ATP2B1: variants seen among roughly 807,000 people sequenced by gnomAD.
ATP2B1 encodes plasma membrane calcium-transporting ATPase 1.
In ATP2B1, 14 loss-of-function variants were observed where a neutral mutation model predicts 124.2. That is an observed-to-expected ratio of 0.11 (90% CI 0.07 to 0.18). The LOEUF is 0.18. Ranked by LOEUF, ATP2B1 falls within the 10% of genes least tolerant of loss-of-function variation. The pLI, the probability that ATP2B1 is intolerant of heterozygous loss-of-function variation, is 1.00. For missense variants in ATP2B1, 763 were observed against 1,466.1 expected, an observed-to-expected ratio of 0.52 and a Z score of 7.83; for synonymous variants, 449 against 492.4, an observed-to-expected ratio of 0.91 and a Z score of 1.17.
In ATP2B1 at chr12:89,663,939, A is replaced by G. The variant is rs542478679; in HGVS notation, c.-221-7832T>C. ...TCAGTAGGGAGGGGCTGGATGGCAC[A>G]GCAGCCTTTATAATTGCTTTCATCT... is the stretch of plus-strand genomic sequence containing the variant. On this transcript the variant is annotated intron_variant, in intron 1 of 20. Coordinates refer to ENST00000428670, the MANE Select transcript of ATP2B1 (RefSeq NM_001366521.1). Among the ~76,000 whole-genome samples the G allele has an allele frequency of 1.3e-3, 199 of 152,336 alleles. 1 individual carries two copies. The highest frequency in any genetic ancestry group is 4.6e-3 in the African/African-American group (190 of 41,568).
chr12:89,639,619 T>C (rs1425593487), intron 3 of ATP2B1, among the ~76,000 whole-genome samples: 1 of 151,076 alleles, frequency 6.6e-6, no homozygotes, highest in Non-Finnish European at 1.5e-5. Context: ...CTAAATAACT[T>C]TTCACCATGG....
At chr12:89,612,743 T>A (rs930976247) in intron 12 of ATP2B1, among the ~76,000 whole-genome samples, 1 of 152,212 alleles carries the variant, frequency 6.6e-6, no homozygotes, top group Non-Finnish European at 1.5e-5. Context: ...ATCTTATACA[T>A]ACCTCTATTA....
rs138830347 is a variant in ATP2B1 at position 89,637,814 on chromosome 12, ATAGAG to A, written c.407-2568_407-2564del. ...GAGGTATGTGCTCATTTTTTTCCTG[ATAGAG>A]TAAATAACCAAAAAAGTTTAAAGAC... On this transcript the variant is annotated intron_variant, in intron 3 of 20. Coordinates refer to ENST00000428670, the MANE Select transcript of ATP2B1 (RefSeq NM_001366521.1). 3.2e-3 allele frequency among the ~76,000 whole-genome samples: 488 copies of A among 152,220 alleles called. 1 individual carries two copies. Among genetic ancestry groups the A allele is most frequent in the Non-Finnish European group, 4.7e-3 (319 of 68,004 alleles).
At position 89,610,511 on chromosome 12, in the gene ATP2B1, A is replaced by G. The variant is rs199767814; in HGVS notation, c.2248-3T>C. The G allele has an allele frequency of 5.3e-4, 850 of 1,611,684 alleles. 5 individuals are homozygous for G. In the South Asian group the frequency reaches 7.8e-3, roughly 15 times the overall value. Reference sequence around the variant, plus strand: ...TTGTCTATCCTCTCTTGCTCAATCTATAAGTGTTTATCAAAGTTAAAATAT... The same window carrying G: ...TTGTCTATCCTCTCTTGCTCAATCTGTAAGTGTTTATCAAAGTTAAAATAT... On this transcript the variant is annotated splice_region_variant and splice_polypyrimidine_tract_variant and intron_variant, in intron 13 of 20. Transcript: ENST00000428670.
intron 1 of ATP2B1, among the ~76,000 whole-genome samples, chr12:89,675,941 A>G (rs1888551729): frequency 6.6e-6 from 1 of 152,218 alleles, no homozygotes; most frequent in Non-Finnish European, 1.5e-5. Context: ...AGAATATTTA[A>G]CAAATCAATT....
At chr12:89,600,233 C>G (rs1184821270) in intron 19 of ATP2B1, among the ~76,000 whole-genome samples, 1 of 152,138 alleles carries the variant, frequency 6.6e-6, no homozygotes, top group African/African-American at 2.4e-5. Flanking sequence ...AAAGATTGGG[C>G]TACATTTAAG....
chr12:89,695,067 A>AG (rs1890984315), intron 1 of ATP2B1, among the ~76,000 whole-genome samples: 1 of 146,080 alleles, frequency 6.8e-6, no homozygotes, highest in South Asian at 2.1e-4. Context: ...TCAAAAAAAA[A>AG]AAAAGAAAAG....
chr12:89,652,391 T>C (rs1885371620), intron 2 of ATP2B1, among the ~76,000 whole-genome samples: 2 of 152,204 alleles, frequency 1.3e-5, no homozygotes, highest in South Asian at 4.1e-4. Flanking sequence ...CAATATCCCA[T>C]GTCTGAAGAA....
intron 12 of ATP2B1, among the ~76,000 whole-genome samples, chr12:89,614,146 T>C (rs1878533830): frequency 6.6e-6 from 1 of 152,104 alleles, no homozygotes; most frequent in Non-Finnish European, 1.5e-5. Context: ...CATGTTAAAG[T>C]TTAAACCGTA....
In ATP2B1 at chr12:89,610,088, A is replaced by C. The variant is rs760676958; in HGVS notation, c.2336-45T>G. The C allele has an allele frequency of 1.5e-5, 23 of 1,504,954 alleles. No homozygotes were observed. The African/African-American group carries it at 2.1e-4, about 14-fold the overall frequency. The allele number at this position is 1,504,954 out of a possible 1,614,324, so 93.2% of individuals were successfully genotyped here. A position where few individuals can be genotyped will look rare whatever the true frequency, so the allele number is the denominator to read the frequency against. On this transcript the variant is annotated intron_variant, in intron 14 of 20. Transcript: ENST00000428670. ...TTGTGTTATAAAAACATTACTCTTT[A>C]ATAAGATGATTCTGAAGAATATCCT...
chr12:89,652,759 A>T (rs1426067030), intron 2 of ATP2B1, among the ~76,000 whole-genome samples: 9 of 152,070 alleles, frequency 5.9e-5, no homozygotes, highest in African/African-American at 2.2e-4. Context: ...TATTTTTGAG[A>T]CAGGGTCTCC....
intron 1 of ATP2B1, among the ~76,000 whole-genome samples, chr12:89,689,869 T>C (rs1890361565): frequency 6.6e-6 from 1 of 152,148 alleles, no homozygotes; most frequent in South Asian, 2.1e-4. Flanking sequence ...GTTTTCTAAA[T>C]ATTAAATGTC....
chr12:89,601,465 A>G, intron 18 of ATP2B1, 32 bp from the exon 19 acceptor site: 1 of 1,392,246 alleles, frequency 7.2e-7, no homozygotes, highest in Non-Finnish European at 9.8e-7. Context: ...AATTTACTTA[A>G]ATCTTAAATT....
intron 1 of ATP2B1, among the ~76,000 whole-genome samples, chr12:89,701,323 T>C (rs759065348): frequency 6.6e-6 from 1 of 152,212 alleles, no homozygotes; most frequent in Non-Finnish European, 1.5e-5. Flanking sequence ...CTCCGGGTTG[T>C]ACACTTCCCA....
intron 6 of ATP2B1, among the ~76,000 whole-genome samples, chr12:89,628,308 G>T (rs550989888): frequency 6.6e-6 from 1 of 151,544 alleles, no homozygotes; most frequent in South Asian, 2.1e-4. Flanking sequence ...AGGTTGAGGC[G>T]GGAGAGTTGC....
intron 10 of ATP2B1, among the ~76,000 whole-genome samples, chr12:89,620,708 G>A (rs1400029693): frequency 1.8e-4 from 28 of 152,102 alleles, no homozygotes; most frequent in Admixed American, 1.8e-3. Flanking sequence ...TAAATGCAGT[G>A]AGAAGCTTCA....
intron 18 of ATP2B1, among the ~76,000 whole-genome samples, 173 bp downstream of exon 18, chr12:89,602,870 G>A (rs1381580441): frequency 6.6e-6 from 1 of 152,142 alleles, no homozygotes; most frequent in East Asian, 1.9e-4. Flanking sequence ...CTAAGAACAG[G>A]AGATTCAGTT....
At chr12:89,631,635 T>C (rs2136167741) in intron 5 of ATP2B1, among the ~76,000 whole-genome samples, 1 of 152,280 alleles carries the variant, frequency 6.6e-6, no homozygotes, top group South Asian at 2.1e-4. Flanking sequence ...AGTCCTCACC[T>C]TGAGACCGAC....
intron 20 of ATP2B1, chr12:89,598,770 C>T (rs765643194): frequency 9.3e-6 from 15 of 1,612,640 alleles, no homozygotes; most frequent in Non-Finnish European, 1.1e-5. Flanking sequence ...ATTGTGACAG[C>T]TTGCTCAGCA....
Sources: allele counts gnomAD v4.1 joint callset (sites outside exome capture counted in the v4.1 genomes callset), GRCh38; gene constraint gnomAD v4.1.1; transcripts MANE v1.5; gene names NCBI Gene and HGNC (gene_info 2026-07-23, HGNC 2026-07-21).